The following SHB variants were observed in gnomAD, a reference collection of about 807,000 sequenced individuals.
SHB encodes SH2 domain containing adaptor protein B.
In SHB, 20 loss-of-function variants were observed where a neutral mutation model predicts 52.3. The ratio of observed to expected loss-of-function variants is 0.38; its 90% CI spans 0.27 to 0.56. The LOEUF (loss-of-function observed/expected upper bound fraction) is 0.56. SHB is among the 20% of genes least tolerant of loss of function. The pLI, the probability that SHB is intolerant of heterozygous loss-of-function variation, is 0.71. For synonymous variants in SHB, 397 were observed against 316.5 expected (o/e 1.25, Z -2.70); for missense variants, 825 against 723.3 (o/e 1.14, Z -1.61).
intron 2 of SHB, among the ~76,000 whole-genome samples, chr9:37,988,103 G>A (rs929361433): frequency 1.3e-5 from 2 of 152,238 alleles, no homozygotes; most frequent in African/African-American, 4.8e-5. Flanking sequence ...AGCTGCCCCT[G>A]CGGAAGCAAC....
intron 2 of SHB, among the ~76,000 whole-genome samples, chr9:37,988,676 C>T (rs1465616750): frequency 6.6e-6 from 1 of 152,084 alleles, no homozygotes; most frequent in Non-Finnish European, 1.5e-5. Flanking sequence ...CTATGGGGTG[C>T]CCAGATAGTT....
At chr9:38,048,201 CTG>C in intron 1 of SHB, among the ~76,000 whole-genome samples, 1 of 152,162 alleles carries the variant, frequency 6.6e-6, no homozygotes, top group South Asian at 2.1e-4. Flanking sequence ...TTTTTAAAAA[CTG>C]TAAAATATTC....
At position 38,068,683 on chromosome 9, in the gene SHB, G is replaced by T; in HGVS notation, c.-38C>A. 1 of 1,261,128 alleles carries T rather than the reference G, an allele frequency of 7.9e-7. No homozygotes were observed. The highest frequency in any genetic ancestry group is 9.9e-7 in the Non-Finnish European group (1 of 1,007,058). The allele number at this position is 1,261,128 out of a possible 1,614,324, so 78.1% of individuals were successfully genotyped here. A position where few individuals can be genotyped will look rare whatever the true frequency, so the allele number is the denominator to read the frequency against. ...CCTAGGGCCGCGGCGCGGGAGCCCG[G>T]TCCGCCGCCGCGGCCATTCGGGGGG... is the stretch of plus-strand genomic sequence containing the variant. On this transcript the variant is annotated 5_prime_UTR_variant, in exon 1 of 6. Coordinates refer to ENST00000377707, the MANE Select transcript of SHB (RefSeq NM_003028.3).
chr9:38,012,040 C>T (rs1821147948), intron 2 of SHB, among the ~76,000 whole-genome samples: 1 of 152,130 alleles, frequency 6.6e-6, no homozygotes, highest in South Asian at 2.1e-4. Flanking sequence ...AGAGGATAAG[C>T]TGAGGCATTT....
At chr9:37,933,461 C>T (rs1171642590) in intron 5 of SHB, among the ~76,000 whole-genome samples, 1 of 152,156 alleles carries the variant, frequency 6.6e-6, no homozygotes, top group Admixed American at 6.5e-5. Context: ...TTACAGACAC[C>T]ATGGAGCCCC....
At chr9:37,993,910 C>T (rs1820914559) in intron 2 of SHB, among the ~76,000 whole-genome samples, 1 of 152,192 alleles carries the variant, frequency 6.6e-6, no homozygotes, top group South Asian at 2.1e-4. Context: ...CTACAAAAAA[C>T]TTAGACTGTG....
chr9:37,919,677 TTCTAGAGACA>T lies in SHB; in HGVS notation c.*134_*143del. 1.6e-6 allele frequency: 1 copy of T among 631,330 alleles called. No individual in the cohort carries two copies. The highest frequency in any genetic ancestry group is 2.8e-6 in the Non-Finnish European group (1 of 361,694). The allele number at this position is 631,330 out of a possible 1,614,324, so 39.1% of individuals were successfully genotyped here. A position where few individuals can be genotyped will look rare whatever the true frequency, so the allele number is the denominator to read the frequency against. On this transcript the variant is annotated 3_prime_UTR_variant, in exon 6 of 6. Coordinates refer to ENST00000377707, the MANE Select transcript of SHB (RefSeq NM_003028.3). ...CCAGCCCCCGTAAGTGGCAACAGCATTCTAGAGACATGCAGTGGTGTGCTAGTACCATACA... is the reference window on the plus strand; with the variant it reads ...CCAGCCCCCGTAAGTGGCAACAGCATTGCAGTGGTGTGCTAGTACCATACA...
chr9:37,927,675 G>A (rs1290495836), intron 5 of SHB, among the ~76,000 whole-genome samples: 1 of 152,176 alleles, frequency 6.6e-6, no homozygotes, highest in Non-Finnish European at 1.5e-5. Context: ...TAGACAAGAA[G>A]TTTTTAAATG....
chr9:37,976,072 G>C (rs1278684635), intron 2 of SHB, among the ~76,000 whole-genome samples: 1 of 152,172 alleles, frequency 6.6e-6, no homozygotes, highest in East Asian at 1.9e-4. Flanking sequence ...GTCTTACTCT[G>C]TTACCCAGGC....
chr9:38,036,207 CA>C (rs1001022589), intron 1 of SHB, among the ~76,000 whole-genome samples: 5 of 152,170 alleles, frequency 3.3e-5, no homozygotes, highest in African/African-American at 1.2e-4. Context: ...AAACACCAGC[CA>C]CATTCGCCCC....
intron 1 of SHB, among the ~76,000 whole-genome samples, chr9:38,058,668 G>A (rs1928244): frequency 0.14 from 20,744 of 151,990 alleles, 1,590 homozygotes; most frequent in East Asian, 0.32. Context: ...TGTGAGTTCC[G>A]ACATCCTCTG....
intron 2 of SHB, among the ~76,000 whole-genome samples, chr9:37,976,511 C>T (rs1356551169): frequency 6.6e-6 from 1 of 152,184 alleles, no homozygotes; most frequent in Non-Finnish European, 1.5e-5. Flanking sequence ...CCCACAATTA[C>T]CCTTCTACTT....
At chr9:38,031,990 CCCA>C (rs1417816481) in intron 1 of SHB, among the ~76,000 whole-genome samples, 4 of 152,150 alleles carry the variant, frequency 2.6e-5, no homozygotes, top group Non-Finnish European at 4.4e-5. Context: ...TCTCTCTTCA[CCCA>C]CTTCTCTGTG....
At chr9:38,055,722 G>A (rs1821805178) in intron 1 of SHB, among the ~76,000 whole-genome samples, 1 of 152,014 alleles carries the variant, frequency 6.6e-6, no homozygotes, top group Non-Finnish European at 1.5e-5. Context: ...TGTTCCATAG[G>A]ACTCAGCCCA....
intron 2 of SHB, among the ~76,000 whole-genome samples, chr9:38,014,512 G>A (rs1821185026): frequency 6.6e-6 from 1 of 152,372 alleles, no homozygotes; most frequent in Middle Eastern, 3.4e-3. Context: ...TGAGCCACTG[G>A]AGGACAGCAG....
intron 2 of SHB, among the ~76,000 whole-genome samples, chr9:37,985,648 G>A (rs894923555): frequency 3.9e-5 from 6 of 152,224 alleles, no homozygotes; most frequent in African/African-American, 1.4e-4. Flanking sequence ...AATCCTCGCC[G>A]ACTGCAACAT....
chr9:37,925,021 A>G (rs1832231164), intron 5 of SHB, among the ~76,000 whole-genome samples: 2 of 152,166 alleles, frequency 1.3e-5, no homozygotes, highest in Admixed American at 1.3e-4. Flanking sequence ...CTGTCAGCCC[A>G]TTGTGATGTT....
chr9:37,958,493 C>G (rs559130027), intron 3 of SHB, among the ~76,000 whole-genome samples: 18 of 152,314 alleles, frequency 1.2e-4, no homozygotes, highest in African/African-American at 4.3e-4. Flanking sequence ...CTAGAGACAC[C>G]CACAGCTCCG....
At chr9:38,032,952 A>G (rs1031418062) in intron 1 of SHB, among the ~76,000 whole-genome samples, 5 of 152,182 alleles carry the variant, frequency 3.3e-5, no homozygotes, top group African/African-American at 1.2e-4. Context: ...CCCAGTATGC[A>G]CTAAGTACTA....
Sources: allele counts gnomAD v4.1 joint callset (sites outside exome capture counted in the v4.1 genomes callset), GRCh38; gene constraint gnomAD v4.1.1; transcripts MANE v1.5; gene names NCBI Gene and HGNC (gene_info 2026-07-23, HGNC 2026-07-21).